Variants in SYNE3 observed in about 807,000 individuals in gnomAD.
SYNE3 encodes nesprin-3.
A neutral mutation model predicts 111.2 loss-of-function variants in SYNE3; 100 were observed. That is an observed-to-expected ratio of 0.90 (90% CI 0.77 to 1.06). The LOEUF is 1.06. Among genes scored for constraint, SYNE3 ranks in the 50% least tolerant of loss-of-function variants. The pLI is 0.00. For missense variants in SYNE3, 1,160 were observed against 1,240.3 expected (o/e 0.94, Z 0.97); for synonymous variants, 547 against 533.9 (o/e 1.02, Z -0.34).
At chr14:95,505,341 G>A (rs1890491109) in intron 1 of SYNE3, among the ~76,000 whole-genome samples, 1 of 152,198 alleles carries the variant, frequency 6.6e-6, no homozygotes, top group Admixed American at 6.5e-5. Context: ...GGAGAGCTCT[G>A]AGTAAAGCCA....
intron 4 of SYNE3, among the ~76,000 whole-genome samples, chr14:95,458,838 G>C (rs1340720931): frequency 6.6e-6 from 1 of 152,190 alleles, no homozygotes; most frequent in African/African-American, 2.4e-5. Flanking sequence ...TTTCCAAAGA[G>C]AGCCAAGAAA....
chr14:95,439,223 G>A, intron 13 of SYNE3, 61 bp from the exon 14 acceptor site: 1 of 1,604,624 alleles, frequency 6.2e-7, no homozygotes, highest in Non-Finnish European at 8.5e-7. Context: ...CCAGGACATG[G>A]GAAAAGTAAT....
At chr14:95,436,734 G>T in intron 15 of SYNE3, 86 bp downstream of exon 15, 1 of 1,479,514 alleles carries the variant, frequency 6.8e-7, no homozygotes, top group Non-Finnish European at 9.2e-7. Flanking sequence ...CTGTGGGTGT[G>T]TTCCTTCTTT....
rs371724124 is a variant in SYNE3, at chr14:95,466,093, G to A, written c.465C>T (p.His155=). 5.4e-5 allele frequency: 87 copies of A among 1,613,182 alleles called. No individual in the cohort carries two copies. Among genetic ancestry groups the A allele is most frequent in the Middle Eastern group, 1.7e-4 (1 of 6,058 alleles). ...GLKEKQWQLS[H]AQVLLHNVDN... ...CCACGTTGTGCAGCAGCACCTGGGC[G>A]TGGCTCAGCTGCCACTGCTTCTCCT... is the stretch of plus-strand genomic sequence containing the variant. Residue 155 remains histidine (H), a synonymous_variant, in exon 4 of 18, where the codon CAC becomes CAT. Coordinates refer to ENST00000682763, the MANE Select transcript of SYNE3 (RefSeq NM_152592.6).
In SYNE3 at chr14:95,450,081, C is replaced by T; in HGVS notation, c.1299G>A (p.Leu433=). The T allele has an allele frequency of 1.9e-6, 3 of 1,575,042 alleles. No individual in the cohort carries two copies. Among genetic ancestry groups the T allele is most frequent in the Non-Finnish European group, 2.6e-6 (3 of 1,159,916 alleles). Residue 433 remains leucine, a synonymous_variant, in exon 8 of 18, where the codon CTG becomes CTA. Transcript: ENST00000682763. The part of the protein sequence containing the change: ...YQSLKVKSAR[L]RNAAAVELWQ... ...ACAGCTCCACCGCCGCGGCATTGCG[C>T]AGCCTCGCGCTCTTCACCTTCAGGC... is the stretch of plus-strand genomic sequence containing the variant.
chr14:95,508,148 A>C (rs538718461), intron 1 of SYNE3, among the ~76,000 whole-genome samples: 21 of 152,260 alleles, frequency 1.4e-4, no homozygotes, highest in Non-Finnish European at 3.1e-4. Flanking sequence ...TTCAATTTCC[A>C]ACTCCACTGC....
chr14:95,432,056 G>A (rs371173792), intron 17 of SYNE3, 23 bp downstream of exon 17: 52 of 1,609,180 alleles, frequency 3.2e-5, no homozygotes, highest in Non-Finnish European at 4.2e-5. Flanking sequence ...CTAGCCGTGT[G>A]GAGCAGATGG....
chr14:95,439,923 G>A lies in SYNE3; in HGVS notation c.2064C>T (p.Ala688=), dbSNP rs768848706. ...AGPGDAESQE[A]EFERLVAEFP... ...GGAACCACCGCCTTACCTCAAACTC[G>A]GCCTCTTGGGACTCGGCATCCCCCG... Residue 688 remains alanine, a synonymous_variant, in exon 12 of 18, where the codon GCC becomes GCT. Coordinates refer to ENST00000682763, the MANE Select transcript of SYNE3 (RefSeq NM_152592.6). The A allele has an allele frequency of 1.9e-5, 31 of 1,612,118 alleles. No homozygotes were observed. Among genetic ancestry groups the A allele is most frequent in the Middle Eastern group, 1.6e-4 (1 of 6,076 alleles).
chr14:95,409,909 G>C lies in SYNE3; in HGVS notation c.*7917C>G, dbSNP rs1053370410. The C allele has an allele frequency of 6.2e-6, 1 of 161,768 alleles. No homozygotes were observed. The highest frequency in any genetic ancestry group is 2.4e-5 in the African/African-American group (1 of 41,552). The allele number at this position is 161,768 out of a possible 1,614,324, so 10.0% of individuals were successfully genotyped here. A position where few individuals can be genotyped will look rare whatever the true frequency, so the allele number is the denominator to read the frequency against. On this transcript the variant is annotated 3_prime_UTR_variant, in exon 18 of 18. Coordinates refer to ENST00000682763, the MANE Select transcript of SYNE3 (RefSeq NM_152592.6). ...TGCTACAAAACAAAGAGCTGGCCTG[G>C]AAAGGCTCAGAGATCCTCATTTTCC...
chr14:95,483,482 C>T (rs1889375168), intron 1 of SYNE3, among the ~76,000 whole-genome samples: 1 of 152,132 alleles, frequency 6.6e-6, no homozygotes, highest in Non-Finnish European at 1.5e-5. Flanking sequence ...TGAGTTACAG[C>T]TGGTCTTAAT....
chr14:95,418,054 T>C (rs1025400455), intron 17 of SYNE3, 28 bp from the exon 18 acceptor site: 13 of 1,601,060 alleles, frequency 8.1e-6, no homozygotes, highest in Non-Finnish European at 1.1e-5. Flanking sequence ...CACAGGTGAG[T>C]GGGCTGGGGG....
Position 95,465,936 on chromosome 14 carries a change from C to T in SYNE3, c.622G>A (p.Ala208Thr), listed in dbSNP as rs767038945. The T allele has an allele frequency of 1.3e-6, 2 of 1,573,528 alleles. No individual in the cohort carries two copies. Among genetic ancestry groups the T allele is most frequent in the Non-Finnish European group, 1.7e-6 (2 of 1,150,234 alleles). ...KAEYDAVKAK[A>T]QKRVDLLEQV... ...CCACTCAGCCTCACCCTCACCTGGG[C>T]CTTGGCCTTCACTGCATCGTACTCA... Residue 208 changes from alanine (A) to threonine (T), a missense_variant, in exon 4 of 18, where the codon GCC (alanine) becomes ACC (threonine). Physicochemically the swap from Ala to Thr is moderately conservative, Grantham distance 58. Coordinates refer to ENST00000682763, the MANE Select transcript of SYNE3 (RefSeq NM_152592.6).
intron 17 of SYNE3, among the ~76,000 whole-genome samples, chr14:95,428,312 G>C (rs916438248): frequency 1.3e-5 from 2 of 152,178 alleles, no homozygotes; most frequent in African/African-American, 4.8e-5. Context: ...CCCGCAAGCA[G>C]ACATTTTAAT....
chr14:95,513,978 C>G (rs1450520730), intron 1 of SYNE3, among the ~76,000 whole-genome samples: 3 of 151,842 alleles, frequency 2.0e-5, no homozygotes, highest in African/African-American at 7.3e-5. Context: ...GGATATCAGC[C>G]TTCTCATCTG....
At chr14:95,506,438 G>A (rs1890531110) in intron 1 of SYNE3, among the ~76,000 whole-genome samples, 1 of 152,340 alleles carries the variant, frequency 6.6e-6, no homozygotes, top group South Asian at 2.1e-4. Flanking sequence ...TGTGCACACG[G>A]GCGCAGGCTT....
At chr14:95,435,579 A>C (rs1304004013) in intron 15 of SYNE3, among the ~76,000 whole-genome samples, 1 of 152,166 alleles carries the variant, frequency 6.6e-6, no homozygotes, top group Non-Finnish European at 1.5e-5. Flanking sequence ...TTGTTAGTAG[A>C]AAAAAATACA....
chr14:95,420,950 A>C (rs68114241), intron 17 of SYNE3, among the ~76,000 whole-genome samples: 27,207 of 152,040 alleles, frequency 0.18, 3,104 homozygotes, highest in African/African-American at 0.32. Context: ...TAATTGAATC[A>C]TGGGGGCAGT....
rs1890295076 is a variant in SYNE3 at position 95,500,474 on chromosome 14, C to T, written c.-15+16122G>A. On this transcript the variant is annotated intron_variant, in intron 1 of 17. Transcript: ENST00000682763. The surrounding 1 kb of genome is among the most constrained non-coding windows in gnomAD (Gnocchi z 4.7). Reference sequence around the variant, plus strand: ...GTCCCCAGACCTCAGCACCAGCGGCCGCCCACAGCCAGGCAGCAGGGAGAA... The same window carrying T: ...GTCCCCAGACCTCAGCACCAGCGGCTGCCCACAGCCAGGCAGCAGGGAGAA... 6.6e-6 allele frequency among the ~76,000 whole-genome samples: 1 copy of T among 152,202 alleles called. No homozygotes were observed. Among genetic ancestry groups the T allele is most frequent in the Admixed American group, 6.5e-5 (1 of 15,286 alleles).
At chr14:95,468,968 C>T (rs1431309096) in intron 2 of SYNE3, among the ~76,000 whole-genome samples, 1 of 152,140 alleles carries the variant, frequency 6.6e-6, no homozygotes, top group African/African-American at 2.4e-5. Context: ...ACCTTTGTCA[C>T]AGGAGTTACA....
Sources: allele counts gnomAD v4.1 joint callset (sites outside exome capture counted in the v4.1 genomes callset), GRCh38; gene constraint gnomAD v4.1.1; non-coding constraint Gnocchi (gnomAD v3.1); transcripts MANE v1.5; gene names NCBI Gene and HGNC (gene_info 2026-07-23, HGNC 2026-07-21).